DSCAM: variants seen among roughly 807,000 people sequenced by gnomAD.
DSCAM encodes the protein DS cell adhesion molecule.
Under a neutral mutation model 217.7 loss-of-function variants are expected in DSCAM, and 47 were observed. That is an observed-to-expected ratio of 0.22 (90% CI 0.17 to 0.28). The LOEUF (loss-of-function observed/expected upper bound fraction) is 0.28. Ranked by LOEUF, DSCAM falls within the 10% of genes least tolerant of loss-of-function variation. The probability of loss-of-function intolerance (pLI) is 1.00; values close to 1 mark genes in which losing one functional copy is unlikely to be tolerated. For synonymous variants in DSCAM, 1,056 were observed against 1,015.3 expected (o/e 1.04, Z -0.76); for missense variants, 2,080 against 2,618.3 (o/e 0.79, Z 4.49).
chr21:40,804,663 A>G (rs1369577777), intron 1 of DSCAM, among the ~76,000 whole-genome samples: 1 of 152,056 alleles, frequency 6.6e-6, no homozygotes, highest in Non-Finnish European at 1.5e-5. Context: ...GTTCCTTCTC[A>G]GTCTTCTTTA....
At chr21:40,538,607 G>A (rs1355368266) in intron 3 of DSCAM, among the ~76,000 whole-genome samples, 1 of 152,136 alleles carries the variant, frequency 6.6e-6, no homozygotes, top group African/African-American at 2.4e-5. Flanking sequence ...GCCATACAAT[G>A]AATTCTGGAG....
intron 11 of DSCAM, among the ~76,000 whole-genome samples, chr21:40,222,604 C>A (rs2091298071): frequency 6.6e-6 from 1 of 152,176 alleles, no homozygotes; most frequent in Non-Finnish European, 1.5e-5. Flanking sequence ...AATGCAGAAG[C>A]AGCTACAAGC....
intron 19 of DSCAM, among the ~76,000 whole-genome samples, chr21:40,130,135 A>G (rs2090139967): frequency 6.6e-6 from 1 of 152,232 alleles, no homozygotes; most frequent in African/African-American, 2.4e-5. Flanking sequence ...TAAAGGGATC[A>G]AGGCTGAAAC....
At chr21:40,104,293 GA>G (rs2089791045) in intron 20 of DSCAM, among the ~76,000 whole-genome samples, 1 of 151,988 alleles carries the variant, frequency 6.6e-6, no homozygotes, top group South Asian at 2.1e-4. Context: ...AAATTAATGA[GA>G]AACACAATTC....
At chr21:40,685,175 T>C (rs990962340) in intron 3 of DSCAM, among the ~76,000 whole-genome samples, 11 of 152,172 alleles carry the variant, frequency 7.2e-5, no homozygotes, top group African/African-American at 2.7e-4. Context: ...AAAGTGATCG[T>C]TGAATGTATG....
At chr21:40,056,367 G>A (rs1215913338) in intron 28 of DSCAM, among the ~76,000 whole-genome samples, 4 of 152,126 alleles carry the variant, frequency 2.6e-5, no homozygotes, top group East Asian at 1.9e-4. Context: ...CTTCCCTGAC[G>A]TTAGTTTTCC....
At chr21:40,196,020 T>C (rs555938933) in intron 11 of DSCAM, among the ~76,000 whole-genome samples, 1 of 152,306 alleles carries the variant, frequency 6.6e-6, no homozygotes, top group East Asian at 1.9e-4. Flanking sequence ...CTACCTTGGG[T>C]AAACACATAC....
intron 3 of DSCAM, among the ~76,000 whole-genome samples, chr21:40,547,247 C>T (rs376238208): frequency 7.9e-5 from 12 of 152,148 alleles, no homozygotes; most frequent in African/African-American, 2.4e-4. Context: ...ACTCCCACAC[C>T]ACGGCCTTCC....
At chr21:40,278,741 G>GGAGGAGGAA (rs2073722296) in intron 10 of DSCAM, among the ~76,000 whole-genome samples, 1 of 151,860 alleles carries the variant, frequency 6.6e-6, no homozygotes, top group Admixed American at 6.6e-5. Context: ...AAGAGAAGGA[G>GGAGGAGGAA]GAGGAGGAGG....
intron 1 of DSCAM, among the ~76,000 whole-genome samples, chr21:40,766,094 T>G (rs1601233103): frequency 6.6e-6 from 1 of 152,132 alleles, no homozygotes; most frequent in Non-Finnish European, 1.5e-5. Flanking sequence ...TAACAAGGTT[T>G]CAAATTGCGG....
intron 3 of DSCAM, among the ~76,000 whole-genome samples, chr21:40,496,232 G>A (rs568620546): frequency 2.6e-5 from 4 of 152,140 alleles, no homozygotes; most frequent in Admixed American, 2.6e-4. Context: ...TTGAGCAAAA[G>A]AACAAGTTGG....
At chr21:40,047,698 G>C (rs1434261427) in intron 30 of DSCAM, among the ~76,000 whole-genome samples, 1 of 152,122 alleles carries the variant, frequency 6.6e-6, no homozygotes, top group Admixed American at 6.6e-5. Context: ...TTTACATAAC[G>C]AATTTACTAG....
chr21:40,265,190 C>A (rs1014157235), intron 11 of DSCAM, among the ~76,000 whole-genome samples: 14 of 146,770 alleles, frequency 9.5e-5, no homozygotes, highest in Admixed American at 8.9e-4. Context: ...AGCAAAATTC[C>A]GTCTCAAAAA....
At chr21:40,682,266 G>C (rs980620378) in intron 3 of DSCAM, among the ~76,000 whole-genome samples, 1 of 152,092 alleles carries the variant, frequency 6.6e-6, no homozygotes, top group Admixed American at 6.5e-5. Flanking sequence ...TGCAAGTCAT[G>C]GATGAAGCCC....
At chr21:40,452,419 A>C (rs916031494) in intron 3 of DSCAM, among the ~76,000 whole-genome samples, 1 of 152,106 alleles carries the variant, frequency 6.6e-6, no homozygotes, top group Non-Finnish European at 1.5e-5. Flanking sequence ...AAAGAGGTTT[A>C]TGATATTTAG....
chr21:40,015,112 T>C (rs1486632761), intron 32 of DSCAM, among the ~76,000 whole-genome samples: 1 of 152,212 alleles, frequency 6.6e-6, no homozygotes, highest in African/African-American at 2.4e-5. Context: ...CTTTCCTCAT[T>C]GCTTTATAAA....
intron 11 of DSCAM, among the ~76,000 whole-genome samples, chr21:40,210,914 C>A (rs560055338): frequency 6.6e-6 from 1 of 152,108 alleles, no homozygotes; most frequent in African/African-American, 2.4e-5. Flanking sequence ...TGTATACTTC[C>A]GTTTAACTTT....
chr21:40,288,538 A>T (rs1414055195), intron 10 of DSCAM, among the ~76,000 whole-genome samples: 1 of 152,192 alleles, frequency 6.6e-6, no homozygotes, highest in Non-Finnish European at 1.5e-5. Context: ...ATAGAAGGAG[A>T]TAAACTTCTA....
chr21:40,232,048 ATT>A (rs1354572987), intron 11 of DSCAM, among the ~76,000 whole-genome samples: 4 of 152,276 alleles, frequency 2.6e-5, no homozygotes, highest in East Asian at 1.9e-4. Flanking sequence ...GAAAAATATC[ATT>A]GTTTACCCCA....
Sources: allele counts gnomAD v4.1 joint callset (sites outside exome capture counted in the v4.1 genomes callset), GRCh38; gene constraint gnomAD v4.1.1; transcripts MANE v1.5; gene names NCBI Gene and HGNC (gene_info 2026-07-23, HGNC 2026-07-21).